Variants in FAT4 observed in about 807,000 individuals in gnomAD.
FAT4 encodes FAT atypical cadherin 4.
A neutral mutation model predicts 303.9 loss-of-function variants in FAT4; 84 were observed. That is an observed-to-expected ratio of 0.28 (90% CI 0.23 to 0.33). The LOEUF is 0.33. FAT4 is among the 10% of genes least tolerant of loss of function. FAT4 has a pLI of 1.00. For missense variants in FAT4, 6,005 were observed against 6,146.8 expected (o/e 0.98, Z 0.77); for synonymous variants, 2,307 against 2,298.8 (o/e 1.00, Z -0.10).
At chr4:125,471,895 CAAAAAAAAAAAAAAAAAA>C (rs60730341) in intron 12 of FAT4, among the ~76,000 whole-genome samples, 7 of 56,108 alleles carry the variant, frequency 1.2e-4, no homozygotes, top group Admixed American at 9.4e-4. Context: ...ACTAAAAATA[CAAAAAAAAAAAAAAAAAA>C]AAAAAAAAAA....
At position 125,490,857 on chromosome 4, in the gene FAT4, G is replaced by T. The variant is rs759429469; in HGVS notation, c.14041G>T (p.Gly4681Cys). Reference protein sequence around the residue: ...ASSLTYQPSYGQGLRTSSLSH... With the variant: ...ASSLTYQPSYCQGLRTSSLSH... ...CAGTTTGACTTACCAGCCTTCATAT[G>T]GTCAAGGTTTGAGAACCAGCTCCCT... is the stretch of plus-strand genomic sequence containing the variant. The change falls in exon 18 of 18, where the codon GGT (glycine) becomes TGT (cysteine). Residue 4681 changes from glycine to cysteine, a missense_variant. Coordinates refer to ENST00000394329, the MANE Select transcript of FAT4 (RefSeq NM_001291303.3). The T allele has an allele frequency of 6.2e-7, 1 of 1,614,118 alleles. No homozygotes were observed. The highest frequency in any genetic ancestry group is 2.2e-5 in the East Asian group (1 of 44,856).
At chr4:125,333,527 A>G (rs1480843070) in intron 2 of FAT4, among the ~76,000 whole-genome samples, 2 of 152,166 alleles carry the variant, frequency 1.3e-5, no homozygotes, top group African/African-American at 4.8e-5. Context: ...GCTTTATTTC[A>G]TGAAGTGGAT....
intron 2 of FAT4, among the ~76,000 whole-genome samples, chr4:125,390,889 G>C (rs1226112156): frequency 6.6e-6 from 1 of 152,110 alleles, no homozygotes; most frequent in African/African-American, 2.4e-5. Context: ...TTCAAAAGAA[G>C]ACATTTATGT....
chr4:125,441,250 T>A (rs1235402515), intron 8 of FAT4, among the ~76,000 whole-genome samples: 1 of 152,144 alleles, frequency 6.6e-6, no homozygotes, highest in Non-Finnish European at 1.5e-5. Flanking sequence ...ACAAGTATAG[T>A]TTAAGCACAG....
At chr4:125,387,052 C>T (rs1289461417) in intron 2 of FAT4, among the ~76,000 whole-genome samples, 3 of 152,106 alleles carry the variant, frequency 2.0e-5, no homozygotes, top group Admixed American at 6.6e-5. Flanking sequence ...AATCTAATGC[C>T]GCAGCTGATC....
At chr4:125,404,999 T>C (rs1734535235) in intron 3 of FAT4, among the ~76,000 whole-genome samples, 5 of 151,674 alleles carry the variant, frequency 3.3e-5, no homozygotes, top group East Asian at 1.9e-4. Context: ...CAAATTCCTT[T>C]TTTTTTTTTT....
Position 125,490,763 on chromosome 4 carries a change from A to C in FAT4, c.13947A>C (p.Pro4649=), listed in dbSNP as rs1268165100. The C allele has an allele frequency of 6.2e-7, 1 of 1,614,078 alleles. No individual in the cohort carries two copies. Among genetic ancestry groups the C allele is most frequent in the Non-Finnish European group, 8.5e-7 (1 of 1,180,026 alleles). The change falls in exon 18 of 18, where the codon CCA becomes CCC. Residue 4649 remains proline, a synonymous_variant. Coordinates refer to ENST00000394329, the MANE Select transcript of FAT4 (RefSeq NM_001291303.3). ...ACAAGCAGTTCCGCAGCCACACACC[A>C]AAATTTTCAATCCAGAGGCACAGTC... ...QHYKQFRSHT[P]KFSIQRHSPL...
At chr4:125,482,486 T>C (rs1351219126) in intron 16 of FAT4, among the ~76,000 whole-genome samples, 1 of 152,136 alleles carries the variant, frequency 6.6e-6, no homozygotes, top group Non-Finnish European at 1.5e-5. Context: ...ATGTTCTGCT[T>C]TCTTTCCCAC....
At chr4:125,390,516 T>C (rs572896495) in intron 2 of FAT4, among the ~76,000 whole-genome samples, 1 of 152,334 alleles carries the variant, frequency 6.6e-6, no homozygotes, top group East Asian at 1.9e-4. Context: ...GAAAAGTAAA[T>C]GGTAGGCTTC....
chr4:125,458,409 A>G (rs772339582), intron 10 of FAT4, among the ~76,000 whole-genome samples: 44 of 151,990 alleles, frequency 2.9e-4, no homozygotes, highest in Non-Finnish European at 5.2e-4. Flanking sequence ...TAAAATTACT[A>G]CGGTCATGTA....
chr4:125,470,492 C>T (rs1726819369), intron 12 of FAT4, among the ~76,000 whole-genome samples: 1 of 152,186 alleles, frequency 6.6e-6, no homozygotes, highest in South Asian at 2.1e-4. Context: ...TAACCACCTT[C>T]ATCAATGACC....
At chr4:125,453,085 G>T (rs963147536) in intron 10 of FAT4, among the ~76,000 whole-genome samples, 50 of 152,062 alleles carry the variant, frequency 3.3e-4, no homozygotes, top group Non-Finnish European at 8.8e-5. Flanking sequence ...GTTTTCTCAG[G>T]TGATTCAGTT....
At chr4:125,429,506 T>C (rs1725211139) in intron 7 of FAT4, among the ~76,000 whole-genome samples, 1 of 152,160 alleles carries the variant, frequency 6.6e-6, no homozygotes, top group Non-Finnish European at 1.5e-5. Flanking sequence ...TTTTAAGAAT[T>C]CAAAACTGGC....
At chr4:125,414,367 T>C (rs1036666492) in intron 5 of FAT4, among the ~76,000 whole-genome samples, 1 of 152,172 alleles carries the variant, frequency 6.6e-6, no homozygotes, top group African/African-American at 2.4e-5. Flanking sequence ...TTTAAATATG[T>C]TTAATAAAAT....
chr4:125,327,314 G>T (rs1731196503), intron 2 of FAT4, among the ~76,000 whole-genome samples: 1 of 152,128 alleles, frequency 6.6e-6, no homozygotes, highest in Non-Finnish European at 1.5e-5. Context: ...AGTTTAAGAA[G>T]GTGGAGAATT....
intron 17 of FAT4, among the ~76,000 whole-genome samples, chr4:125,488,236 T>C (rs1727481141): frequency 6.6e-6 from 1 of 152,172 alleles, no homozygotes; most frequent in Non-Finnish European, 1.5e-5. Context: ...GACAACACAT[T>C]GGAGGCTAAC....
At chr4:125,445,752 A>C (rs939551582) in intron 8 of FAT4, among the ~76,000 whole-genome samples, 2 of 152,158 alleles carry the variant, frequency 1.3e-5, no homozygotes, top group African/African-American at 4.8e-5. Context: ...GGAATGACAA[A>C]GACAGAATTA....
intron 2 of FAT4, among the ~76,000 whole-genome samples, chr4:125,332,037 G>T (rs1008948777): frequency 2.0e-5 from 3 of 151,960 alleles, no homozygotes; most frequent in Admixed American, 2.0e-4. Flanking sequence ...AAAAACAATG[G>T]CACTCTATAA....
chr4:125,319,124 A>T lies in FAT4; in HGVS notation c.2713A>T (p.Asn905Tyr). Residue 905 changes from asparagine to tyrosine, a missense_variant, in exon 2 of 18, where the codon AAT becomes TAT. Physicochemically the swap from Asn to Tyr is moderately radical, Grantham distance 143. Coordinates refer to ENST00000394329, the MANE Select transcript of FAT4 (RefSeq NM_001291303.3). ...AATAGAGAGTGTAAATGTGGTGGAG[A>T]ATTGGCAGGCAGGTCACAGCATTTT... Reference protein sequence around the residue: ...QAIESVNVVENWQAGHSIFQA... With the variant: ...QAIESVNVVEYWQAGHSIFQA... The T allele has an allele frequency of 6.2e-7, 1 of 1,614,082 alleles. No homozygotes were observed. The highest frequency in any genetic ancestry group is 8.5e-7 in the Non-Finnish European group (1 of 1,180,004).
Sources: allele counts gnomAD v4.1 joint callset (sites outside exome capture counted in the v4.1 genomes callset), GRCh38; gene constraint gnomAD v4.1.1; transcripts MANE v1.5; gene names NCBI Gene and HGNC (gene_info 2026-07-23, HGNC 2026-07-21).